Variants in ZNF804B observed in about 807,000 individuals in gnomAD.
The protein encoded by ZNF804B is zinc finger 804B.
ZNF804B carries 80 observed loss-of-function variants against 101.4 expected under a neutral mutation model. The observed-to-expected ratio is 0.79, with a 90% confidence interval of 0.66 to 0.95. The LOEUF is 0.95. ZNF804B is among the 40% of genes least tolerant of loss of function. The pLI, the probability that ZNF804B is intolerant of heterozygous loss-of-function variation, is 0.00. For synonymous variants in ZNF804B, 622 were observed against 558.8 expected, an observed-to-expected ratio of 1.11 and a Z score of -1.59; for missense variants, 1,673 against 1,561.9, an observed-to-expected ratio of 1.07 and a Z score of -1.20.
intron 1 of ZNF804B, among the ~76,000 whole-genome samples, chr7:89,119,268 A>G (rs1790362712): frequency 6.6e-6 from 1 of 152,200 alleles, no homozygotes; most frequent in Non-Finnish European, 1.5e-5. Flanking sequence ...TGACAGAAAA[A>G]TTACAACAGA....
chr7:89,173,843 T>C (rs1791276931), intron 1 of ZNF804B, among the ~76,000 whole-genome samples: 1 of 152,044 alleles, frequency 6.6e-6, no homozygotes, highest in African/African-American at 2.4e-5. Context: ...GTGATTCTTA[T>C]GATGAAAAGG....
chr7:88,873,853 C>T (rs572883184), intron 1 of ZNF804B, among the ~76,000 whole-genome samples: 3,753 of 152,114 alleles, frequency 0.025, 157 homozygotes, highest in African/African-American at 0.084. Context: ...ACCAGTACCA[C>T]ACTGTTTTGG....
chr7:88,919,146 A>G (rs1290800562), intron 1 of ZNF804B, among the ~76,000 whole-genome samples: 1 of 152,144 alleles, frequency 6.6e-6, no homozygotes, highest in Non-Finnish European at 1.5e-5. Context: ...TATAAACCAT[A>G]TTTCTAGATG....
chr7:88,958,825 G>T (rs1160875567), intron 1 of ZNF804B, among the ~76,000 whole-genome samples: 1 of 151,390 alleles, frequency 6.6e-6, no homozygotes, highest in Non-Finnish European at 1.5e-5. Context: ...AGTGTTGGGA[G>T]GAATTCTACG....
chr7:88,993,082 CT>C (rs1793869765), intron 1 of ZNF804B, among the ~76,000 whole-genome samples: 1 of 151,888 alleles, frequency 6.6e-6, no homozygotes, highest in East Asian at 1.9e-4. Context: ...AAAATACTAG[CT>C]TTTAAATATT....
chr7:89,301,110 T>TTG (rs1554391683), intron 2 of ZNF804B, among the ~76,000 whole-genome samples: 1 of 149,152 alleles, frequency 6.7e-6, no homozygotes, highest in African/African-American at 2.5e-5. Context: ...TTTTTTTTTT[T>TTG]TTTTTTTTTT....
intron 2 of ZNF804B, among the ~76,000 whole-genome samples, chr7:89,288,819 C>A (rs758897): frequency 0.24 from 36,412 of 151,898 alleles, 4,556 homozygotes; most frequent in Non-Finnish European, 0.27. Context: ...CGAAGAACAT[C>A]AGAAAGGGTA....
chr7:88,876,018 A>G (rs1791933247), intron 1 of ZNF804B, among the ~76,000 whole-genome samples: 2 of 152,224 alleles, frequency 1.3e-5, no homozygotes, highest in South Asian at 2.1e-4. Context: ...ATGCAAATCA[A>G]TAAATGTAAT....
At chr7:89,298,214 GTGTATATATATATATATATATATA>G (rs1384997577) in intron 2 of ZNF804B, among the ~76,000 whole-genome samples, 2,124 of 58,694 alleles carry the variant, frequency 0.036, 101 homozygotes, top group African/African-American at 0.14. Flanking sequence ...GTGTGTGTGT[GTGTATATATATATATATATATATA>G]TATATATATA....
chr7:89,143,636 C>G (rs892496692), intron 1 of ZNF804B, among the ~76,000 whole-genome samples: 1 of 151,886 alleles, frequency 6.6e-6, no homozygotes, highest in Non-Finnish European at 1.5e-5. Context: ...TCACATTCTT[C>G]CACTAATCTT....
intron 1 of ZNF804B, among the ~76,000 whole-genome samples, chr7:89,202,691 C>A (rs1788661330): frequency 6.6e-6 from 1 of 152,096 alleles, no homozygotes; most frequent in Admixed American, 6.6e-5. Context: ...AATAGACCCT[C>A]CTGAATTAAT....
At chr7:88,796,141 T>G (rs1790479682) in intron 1 of ZNF804B, among the ~76,000 whole-genome samples, 1 of 152,106 alleles carries the variant, frequency 6.6e-6, no homozygotes, top group African/African-American at 2.4e-5. Context: ...CCTCTTAAAA[T>G]TGTGTCTTAA....
At chr7:89,075,702 C>T (rs1425167317) in intron 1 of ZNF804B, among the ~76,000 whole-genome samples, 5 of 152,178 alleles carry the variant, frequency 3.3e-5, no homozygotes, top group African/African-American at 1.2e-4. Flanking sequence ...CCACAATCCT[C>T]CAGACCCCAG....
chr7:89,067,888 A>G (rs1040380137), intron 1 of ZNF804B, among the ~76,000 whole-genome samples: 3 of 145,342 alleles, frequency 2.1e-5, no homozygotes, highest in Admixed American at 7.1e-5. Flanking sequence ...GGCTCACTGC[A>G]AGCTCCACCT....
intron 1 of ZNF804B, among the ~76,000 whole-genome samples, chr7:88,911,575 C>T (rs1053591887): frequency 2.0e-5 from 3 of 151,070 alleles, no homozygotes; most frequent in Non-Finnish European, 3.0e-5. Flanking sequence ...CAGCACAGAG[C>T]GATATCTCTT....
At chr7:88,815,819 G>T (rs932096842) in intron 1 of ZNF804B, among the ~76,000 whole-genome samples, 4 of 151,014 alleles carry the variant, frequency 2.6e-5, no homozygotes, top group Non-Finnish European at 5.9e-5. Context: ...CCACTGCATG[G>T]TCACCATTTT....
At chr7:89,136,943 C>G (rs1455308267) in intron 1 of ZNF804B, among the ~76,000 whole-genome samples, 1 of 151,956 alleles carries the variant, frequency 6.6e-6, no homozygotes, top group Non-Finnish European at 1.5e-5. Flanking sequence ...GGCAGAGCTT[C>G]CCTGCAAAAG....
In ZNF804B at chr7:89,335,223, C is replaced by G. The variant is rs1168944713; in HGVS notation, c.2241C>G (p.His747Gln). ...GNLLCFHKRE[H>Q]HSVERHKRKC... The stretch of plus-strand genomic sequence containing the variant: ...TGCTCTGCTTCCATAAAAGAGAACA[C>G]CACTCAGTTGAAAGGCACAAACGGA... The change falls in exon 4 of 4, where the codon CAC (histidine) becomes CAG (glutamine). Residue 747 changes from histidine (H) to glutamine (Q), a missense_variant. His to Gln is a conservative substitution (Grantham distance 24). Coordinates refer to ENST00000333190, the MANE Select transcript of ZNF804B (RefSeq NM_181646.5). The G allele has an allele frequency of 6.2e-7, 1 of 1,613,736 alleles. No individual in the cohort carries two copies. Among genetic ancestry groups the G allele is most frequent in the Non-Finnish European group, 8.5e-7 (1 of 1,179,940 alleles).
chr7:89,312,746 C>G (rs763968890), intron 2 of ZNF804B, among the ~76,000 whole-genome samples: 1 of 151,428 alleles, frequency 6.6e-6, no homozygotes, highest in Non-Finnish European at 1.5e-5. Flanking sequence ...GTAGTCCCAG[C>G]TACTAGGAAG....
Sources: allele counts gnomAD v4.1 joint callset (sites outside exome capture counted in the v4.1 genomes callset), GRCh38; gene constraint gnomAD v4.1.1; transcripts MANE v1.5; gene names NCBI Gene and HGNC (gene_info 2026-07-23, HGNC 2026-07-21).